Variants in HIBCH observed in about 807,000 individuals in gnomAD.
HIBCH encodes 3-hydroxyisobutyryl-CoA hydrolase, mitochondrial.
A neutral mutation model predicts 58.2 loss-of-function variants in HIBCH; 50 were observed. The observed-to-expected ratio is 0.86, with a 90% CI of 0.68 to 1.09. The LOEUF is 1.09. Among genes scored for constraint, HIBCH ranks in the 50% least tolerant of loss-of-function variants. The pLI, the probability that HIBCH is intolerant of heterozygous loss-of-function variation, is 0.00. For missense variants in HIBCH, 450 were observed against 449.7 expected, an observed-to-expected ratio of 1.00 and a Z score of -0.01; for synonymous variants, 151 against 146.9, an observed-to-expected ratio of 1.03 and a Z score of -0.20.
At chr2:190,311,947 G>C (rs943634320) in intron 1 of HIBCH, among the ~76,000 whole-genome samples, 2 of 152,218 alleles carry the variant, frequency 1.3e-5, no homozygotes, top group African/African-American at 4.8e-5. Context: ...AGAATGGTGA[G>C]GGTGGGGGCA....
chr2:190,245,095 A>G, intron 10 of HIBCH, 127 bp from the exon 11 acceptor site: 2 of 703,064 alleles, frequency 2.8e-6, no homozygotes, highest in Non-Finnish European at 5.2e-6. Flanking sequence ...AACCTCTTTA[A>G]CAGGACGTGA....
chr2:190,291,738 ATCT>A (rs1687963022), intron 4 of HIBCH, among the ~76,000 whole-genome samples: 1 of 152,156 alleles, frequency 6.6e-6, no homozygotes, highest in South Asian at 2.1e-4. Context: ...TTCTGTTGCA[ATCT>A]TCTATTACCC....
chr2:190,278,490 C>T (rs747214195), intron 6 of HIBCH, among the ~76,000 whole-genome samples: 15 of 152,146 alleles, frequency 9.9e-5, no homozygotes, highest in African/African-American at 1.4e-4. Flanking sequence ...AGGCGTGAGC[C>T]GCCGTGCCCA....
chr2:190,312,741 C>T (rs291449), intron 1 of HIBCH, among the ~76,000 whole-genome samples: 86,556 of 152,122 alleles, frequency 0.57, 25,361 homozygotes, highest in South Asian at 0.61. Flanking sequence ...CTAGCATTTT[C>T]TGAATTTGTC....
chr2:190,235,759 AGAT>A (rs1686254997), intron 11 of HIBCH, among the ~76,000 whole-genome samples: 1 of 152,192 alleles, frequency 6.6e-6, no homozygotes, highest in African/African-American at 2.4e-5. Flanking sequence ...GACTTTGCTC[AGAT>A]TACACTTCCT....
Position 190,304,502 on chromosome 2 carries a change from C to G in HIBCH, c.78+6252G>C, listed in dbSNP as rs1200764060. 6.6e-6 allele frequency among the ~76,000 whole-genome samples: 1 copy of G among 152,184 alleles called. No homozygotes were observed. The highest frequency in any genetic ancestry group is 2.4e-5 in the African/African-American group (1 of 41,452). On this transcript the variant is annotated intron_variant, in intron 2 of 13. Transcript: ENST00000359678. This position sits in a 1 kb window ranked among gnomAD's most constrained non-coding sequence, Gnocchi z 4.1. ...TTAATGGATTAATCCTTCGTGAGGA[C>G]AGAGGCCTCGTGACCCAATCACCTC...
chr2:190,291,405 C>G (rs897370086), intron 4 of HIBCH, among the ~76,000 whole-genome samples: 3 of 151,994 alleles, frequency 2.0e-5, no homozygotes, highest in African/African-American at 7.3e-5. Flanking sequence ...GAAGAGGTAA[C>G]CCTAAGCCAA....
At chr2:190,258,637 G>A (rs910853178) in intron 7 of HIBCH, among the ~76,000 whole-genome samples, 13 of 152,292 alleles carry the variant, frequency 8.5e-5, no homozygotes, top group African/African-American at 2.9e-4. Flanking sequence ...GACAACAATC[G>A]TATATTTTTG....
intron 7 of HIBCH, among the ~76,000 whole-genome samples, chr2:190,253,743 A>G (rs1311149631): frequency 6.6e-6 from 1 of 152,146 alleles, no homozygotes; most frequent in Non-Finnish European, 1.5e-5. Flanking sequence ...CACCTTTATC[A>G]AAGTCTTCAA....
chr2:190,241,895 A>G (rs1448383336), intron 11 of HIBCH, among the ~76,000 whole-genome samples: 13 of 151,710 alleles, frequency 8.6e-5, no homozygotes, highest in Non-Finnish European at 1.9e-4. Flanking sequence ...TGCCCTTAAC[A>G]TTTTTTCCTT....
Position 190,243,604 on chromosome 2 carries a change from G to A in HIBCH, c.891+1283C>T, listed in dbSNP as rs1167655353. Among the ~76,000 whole-genome samples, 2 of 152,112 alleles carry A rather than the reference G, an allele frequency of 1.3e-5. No individual in the cohort carries two copies. Among genetic ancestry groups the A allele is most frequent in the African/African-American group, 2.4e-5 (1 of 41,408 alleles). On this transcript the variant is annotated intron_variant, in intron 11 of 13. Transcript: ENST00000359678. This position sits in a 1 kb window ranked among gnomAD's most constrained non-coding sequence, Gnocchi z 4.1. ...CCTGCTCTAATTTATGCCCATCCTT[G>A]AAAGTTAACAAAATTTTAATACTGT...
Position 190,197,602 on chromosome 2 carries a change from C to T in HIBCH, c.*17+7498G>A, listed in dbSNP as rs928096938. 1.1e-4 allele frequency among the ~76,000 whole-genome samples: 16 copies of T among 152,298 alleles called. No homozygotes were observed. Among genetic ancestry groups the T allele is most frequent in the Admixed American group, 3.9e-4 (6 of 15,288 alleles). On this transcript the variant is annotated intron_variant, in intron 1 of 1. Coordinates refer to the HIBCH transcript ENST00000399855. The surrounding 1 kb of genome is among the most constrained non-coding windows in gnomAD (Gnocchi z 4.0). ...TGACTCTCCTGGGGCTCAACTCCCA[C>T]GGTAATGCTGGGAGATACCCCCAGG...
intron 8 of HIBCH, chr2:190,251,529 C>A: frequency 6.7e-6 from 3 of 448,832 alleles, no homozygotes; most frequent in African/African-American, 2.1e-5. Flanking sequence ...CAAGGAGTTT[C>A]AACTACTATG....
Position 190,204,865 on chromosome 2 carries a change from C to G in HIBCH, c.*252G>C. 2.3e-6 allele frequency: 1 copy of G among 431,828 alleles called. No homozygotes were observed. The highest frequency in any genetic ancestry group is 4.2e-6 in the Non-Finnish European group (1 of 236,632). The allele number at this position is 431,828 out of a possible 1,614,324, so 26.7% of individuals were successfully genotyped here. ...GGCTTTACCATCTCTATTGCAACTACTCATTTCAAAGCAGCCACAGATAAT... is the reference window on the plus strand; with the variant it reads ...GGCTTTACCATCTCTATTGCAACTAGTCATTTCAAAGCAGCCACAGATAAT... On this transcript the variant is annotated 3_prime_UTR_variant, in exon 14 of 14. Coordinates refer to ENST00000359678, the MANE Select transcript of HIBCH (RefSeq NM_014362.4).
intron 6 of HIBCH, among the ~76,000 whole-genome samples, chr2:190,272,468 A>G (rs1253869875): frequency 3.9e-5 from 6 of 152,188 alleles, no homozygotes; most frequent in Admixed American, 1.3e-4. Flanking sequence ...TCACGCCTCA[A>G]TAAGAAACAG....
At chr2:190,205,332 T>A in intron 13 of HIBCH, 100 bp from the exon 14 acceptor site, 1 of 709,264 alleles carries the variant, frequency 1.4e-6, no homozygotes, top group Non-Finnish European at 2.4e-6. Flanking sequence ...AGGCACATTT[T>A]TCTATCATAC....
intron 8 of HIBCH, among the ~76,000 whole-genome samples, chr2:190,250,873 T>C (rs1686743598): frequency 6.6e-6 from 1 of 152,218 alleles, no homozygotes; most frequent in Non-Finnish European, 1.5e-5. Context: ...GAGAATTCTA[T>C]TAGTGACCAA....
In HIBCH at chr2:190,209,023, A is replaced by T; in HGVS notation, c.1012-110T>A. 1.1e-6 allele frequency: 1 copy of T among 912,110 alleles called. No individual in the cohort carries two copies. The allele number at this position is 912,110 out of a possible 1,614,324, so 56.5% of individuals were successfully genotyped here. On this transcript the variant is annotated intron_variant, in intron 12 of 13. Transcript: ENST00000359678. The surrounding 1 kb of genome is among the most constrained non-coding windows in gnomAD (Gnocchi z 5.6). ...CTTCCACTCCCATGGCCACAACCTG[A>T]ACCATGACATTCAGAGACTGAACCA... is the stretch of plus-strand genomic sequence containing the variant.
chr2:190,281,193 G>C lies in HIBCH; in HGVS notation c.438+6393C>G, dbSNP rs1473894113. On this transcript the variant is annotated intron_variant, in intron 6 of 13. Coordinates refer to ENST00000359678, the MANE Select transcript of HIBCH (RefSeq NM_014362.4). This position sits in a 1 kb window ranked among gnomAD's most constrained non-coding sequence, Gnocchi z 5.4. ...GTGGTGGCTCCACCCCTGCAACAAAGCTCTGCCTGACACCAGACTGTCTAA... is the reference window on the plus strand; with the variant it reads ...GTGGTGGCTCCACCCCTGCAACAAACCTCTGCCTGACACCAGACTGTCTAA... 6.6e-6 allele frequency: 1 copy of C among 152,350 alleles called. No individual in the cohort carries two copies. The highest frequency in any genetic ancestry group is 1.5e-5 in the Non-Finnish European group (1 of 68,174). The allele number at this position is 152,350 out of a possible 1,614,324, so 9.4% of individuals were successfully genotyped here. A position where few individuals can be genotyped will look rare whatever the true frequency, so the allele number is the denominator to read the frequency against.
Sources: allele counts gnomAD v4.1 joint callset (sites outside exome capture counted in the v4.1 genomes callset), GRCh38; gene constraint gnomAD v4.1.1; non-coding constraint Gnocchi (gnomAD v3.1); transcripts MANE v1.5; gene names NCBI Gene and HGNC (gene_info 2026-07-23, HGNC 2026-07-21).